Variants in HS6ST3 observed in about 807,000 individuals in gnomAD.
HS6ST3 encodes the protein heparan sulfate 6-O-sulfotransferase 3.
A neutral mutation model predicts 36.7 loss-of-function variants in HS6ST3; 12 were observed. The observed-to-expected ratio is 0.33, with a 90% CI of 0.21 to 0.53. The LOEUF is 0.53. Among genes scored for constraint, HS6ST3 ranks in the 20% least tolerant of loss-of-function variants. The probability of loss-of-function intolerance (pLI) is 0.95; values close to 1 mark genes in which losing one functional copy is unlikely to be tolerated. For synonymous variants in HS6ST3, 240 were observed against 257.5 expected, an observed-to-expected ratio of 0.93 and a Z score of 0.65; for missense variants, 584 against 640.9, an observed-to-expected ratio of 0.91 and a Z score of 0.96.
intron 1 of HS6ST3, among the ~76,000 whole-genome samples, chr13:96,451,334 T>A (rs1415512520): frequency 6.6e-6 from 1 of 152,144 alleles, no homozygotes; most frequent in Non-Finnish European, 1.5e-5. Flanking sequence ...TTGGCAAGAC[T>A]GGTTTTGCAT....
Position 96,354,868 on chromosome 13 carries a change from A to G in HS6ST3, c.707+263299A>G, listed in dbSNP as rs11841191. Among the ~76,000 whole-genome samples, 611 of 152,308 alleles carry G rather than the reference A, an allele frequency of 4.0e-3. 6 individuals are homozygous for G. The highest frequency in any genetic ancestry group is 0.014 in the African/African-American group (583 of 41,568). On this transcript the variant is annotated intron_variant, in intron 1 of 1. Coordinates refer to ENST00000376705, the MANE Select transcript of HS6ST3 (RefSeq NM_153456.4). ...ACTGTGTGTCAGTATTTCCAAGTGT[A>G]TGATTCCAGACTATTCTGATTCAAG...
chr13:96,703,934 C>G (rs1875354063), intron 1 of HS6ST3, among the ~76,000 whole-genome samples: 2 of 152,196 alleles, frequency 1.3e-5, no homozygotes, highest in African/African-American at 2.4e-5. Flanking sequence ...CCCACCCCCA[C>G]AAGCTGCCAT....
At chr13:96,729,709 C>A (rs1166345027) in intron 1 of HS6ST3, among the ~76,000 whole-genome samples, 1 of 152,022 alleles carries the variant, frequency 6.6e-6, no homozygotes, top group East Asian at 1.9e-4. Flanking sequence ...TCAAGTGATA[C>A]CCGACTTTGG....
intron 1 of HS6ST3, among the ~76,000 whole-genome samples, chr13:96,785,876 T>C (rs947357089): frequency 2.0e-5 from 3 of 152,222 alleles, no homozygotes; most frequent in Non-Finnish European, 4.4e-5. Context: ...ACTTCGCATA[T>C]GCAGAACCTG....
intron 1 of HS6ST3, among the ~76,000 whole-genome samples, chr13:96,154,531 A>T (rs1350705816): frequency 6.6e-6 from 1 of 152,150 alleles, no homozygotes; most frequent in East Asian, 1.9e-4. Flanking sequence ...AATGTCAAGG[A>T]TAATTCTAAT....
intron 1 of HS6ST3, among the ~76,000 whole-genome samples, chr13:96,097,404 C>T (rs533828900): frequency 6.6e-6 from 1 of 152,124 alleles, no homozygotes; most frequent in South Asian, 2.1e-4. Context: ...TTAATTGAGA[C>T]CGGCAAATCC....
intron 1 of HS6ST3, among the ~76,000 whole-genome samples, chr13:96,807,235 A>G (rs867573506): frequency 1.3e-5 from 2 of 152,174 alleles, no homozygotes; most frequent in Non-Finnish European, 2.9e-5. Flanking sequence ...GTCTTCCCCC[A>G]TCTTTCCTCC....
chr13:96,707,139 C>G lies in HS6ST3; in HGVS notation c.708-125351C>G, dbSNP rs1160257738. Reference sequence around the variant, plus strand: ...GAACTCATATGTTTAAACTCTAACCCCTACTGTGATGGTATTTGGAGGTGA... The same window carrying G: ...GAACTCATATGTTTAAACTCTAACCGCTACTGTGATGGTATTTGGAGGTGA... On this transcript the variant is annotated intron_variant, in intron 1 of 1. Coordinates refer to ENST00000376705, the MANE Select transcript of HS6ST3 (RefSeq NM_153456.4). 2.0e-5 allele frequency among the ~76,000 whole-genome samples: 3 copies of G among 152,132 alleles called. No individual in the cohort carries two copies. In the East Asian group the frequency reaches 5.8e-4, roughly 29 times the overall value.
chr13:96,574,331 C>A, intron 1 of HS6ST3: 1 of 390,890 alleles, frequency 2.6e-6, no homozygotes, highest in East Asian at 6.0e-5. Context: ...TGAGTCCTTG[C>A]TCAGGAAAGG....
chr13:96,237,226 C>G (rs944963719), intron 1 of HS6ST3, among the ~76,000 whole-genome samples: 2 of 152,188 alleles, frequency 1.3e-5, no homozygotes, highest in Non-Finnish European at 2.9e-5. Flanking sequence ...AGCTGGTGAC[C>G]TTGCCTCTTA....
chr13:96,787,568 T>C (rs1322301767), intron 1 of HS6ST3, among the ~76,000 whole-genome samples: 1 of 152,116 alleles, frequency 6.6e-6, no homozygotes, highest in Non-Finnish European at 1.5e-5. Flanking sequence ...TTCATCTATA[T>C]ATCTTCTTTA....
At chr13:96,228,466 A>G (rs1279082678) in intron 1 of HS6ST3, among the ~76,000 whole-genome samples, 1 of 152,066 alleles carries the variant, frequency 6.6e-6, no homozygotes, top group African/African-American at 2.4e-5. Context: ...GGGTTTCATC[A>G]TGTTGGCCAG....
rs536708672 is a variant in HS6ST3 at position 96,509,069 on chromosome 13, C to T, written c.708-323421C>T. 6.6e-5 allele frequency among the ~76,000 whole-genome samples: 10 copies of T among 152,248 alleles called. No individual in the cohort carries two copies. The South Asian group carries it at 2.1e-3, about 32-fold the overall frequency. Reference sequence around the variant, plus strand: ...TTCTTGCAGGAGTAAAGTGGTATCTCATTGTGGTTTTACTTTGCATTTCTC... The same window carrying T: ...TTCTTGCAGGAGTAAAGTGGTATCTTATTGTGGTTTTACTTTGCATTTCTC... On this transcript the variant is annotated intron_variant, in intron 1 of 1. Transcript: ENST00000376705.
intron 1 of HS6ST3, among the ~76,000 whole-genome samples, chr13:96,324,371 G>A (rs573225554): frequency 5.9e-5 from 9 of 152,264 alleles, no homozygotes; most frequent in Non-Finnish European, 1.3e-4. Context: ...AGTGAAGAAG[G>A]TGTTTGAAAA....
intron 1 of HS6ST3, among the ~76,000 whole-genome samples, chr13:96,627,892 A>G (rs1207094142): frequency 6.6e-6 from 1 of 151,666 alleles, no homozygotes; most frequent in African/African-American, 2.4e-5. Flanking sequence ...CATCTCAGTT[A>G]TTGTTTATTT....
intron 1 of HS6ST3, among the ~76,000 whole-genome samples, chr13:96,624,349 A>G (rs1013784031): frequency 6.6e-6 from 1 of 152,218 alleles, no homozygotes; most frequent in Non-Finnish European, 1.5e-5. Context: ...TGTTCCACAT[A>G]CATATGTAAC....
intron 1 of HS6ST3, among the ~76,000 whole-genome samples, chr13:96,737,398 G>A (rs991927896): frequency 9.9e-5 from 15 of 151,746 alleles, no homozygotes; most frequent in African/African-American, 3.4e-4. Flanking sequence ...GGCCGAGGCG[G>A]GTGGATCATG....
intron 1 of HS6ST3, among the ~76,000 whole-genome samples, chr13:96,332,098 AT>A (rs2055073522): frequency 1.3e-5 from 2 of 152,164 alleles, no homozygotes; most frequent in Non-Finnish European, 2.9e-5. Flanking sequence ...CCCTAGTGAG[AT>A]GAACCCGGTA....
intron 1 of HS6ST3, among the ~76,000 whole-genome samples, chr13:96,749,688 A>G (rs1363352029): frequency 6.6e-6 from 1 of 152,126 alleles, no homozygotes; most frequent in East Asian, 1.9e-4. Flanking sequence ...TCTAAATTAG[A>G]GCTAAAGATT....
Sources: gnomAD v4.1 joint callset for allele counts (sites outside exome capture counted in the v4.1 genomes callset) on GRCh38, gnomAD v4.1.1 for gene constraint, MANE v1.5 for transcripts, NCBI Gene and HGNC (gene_info 2026-07-23, HGNC 2026-07-21) for gene names.